Variants in APPBP2 observed in about 807,000 individuals in gnomAD.
APPBP2 encodes amyloid beta precursor protein binding protein 2, also known as amyloid protein-binding protein 2.
Under a neutral mutation model 76.0 loss-of-function variants are expected in APPBP2, and 15 were observed. The ratio of observed to expected loss-of-function variants is 0.20; its 90% CI spans 0.13 to 0.30. The LOEUF (loss-of-function observed/expected upper bound fraction) is 0.30. Ranked by LOEUF, APPBP2 falls within the 10% of genes least tolerant of loss-of-function variation. The pLI is 1.00. For synonymous variants in APPBP2, 222 were observed against 242.2 expected (o/e 0.92, Z 0.77); for missense variants, 401 against 687.2 (o/e 0.58, Z 4.66).
In APPBP2 at chr17:60,503,918, C is replaced by G. The variant is rs962128141; in HGVS notation, c.139-3431G>C. On this transcript the variant is annotated intron_variant, in intron 1 of 12. Transcript: ENST00000083182. Reference sequence around the variant, plus strand: ...TACCCAGGCAGTCTGTCCCTACATCCATGTTCTTAACAACTTACCCTATAT... The same window carrying G: ...TACCCAGGCAGTCTGTCCCTACATCGATGTTCTTAACAACTTACCCTATAT... Among the ~76,000 whole-genome samples the G allele has an allele frequency of 1.1e-4, 16 of 152,056 alleles. 1 individual carries two copies. The highest frequency in any genetic ancestry group is 3.6e-4 in the African/African-American group (15 of 41,374).
Position 60,454,302 on chromosome 17 carries a change from C to T in APPBP2, c.1338G>A (p.Lys446=). The change falls in exon 11 of 13, where the codon AAG becomes AAA. Residue 446 remains lysine (K), a splice_region_variant and synonymous_variant. Transcript: ENST00000083182. ...AAATATAGTAAAAACATGTTTCTAC[C>T]TTAAATTTTCTCATTGACTGATAAA... ...GRLYQSMRKF[K]EAEEMHIKAI... 6.5e-7 allele frequency: 1 copy of T among 1,548,928 alleles called. No individual in the cohort carries two copies. The highest frequency in any genetic ancestry group is 1.2e-5 in the South Asian group (1 of 80,792).
rs546729007 is a variant in APPBP2, at chr17:60,524,201, T to C, written c.138+1593A>G. On this transcript the variant is annotated intron_variant, in intron 1 of 12. Transcript: ENST00000083182. The stretch of plus-strand genomic sequence containing the variant: ...TAGAAGTGAAAGTTACTAAAAGATA[T>C]TCAAGTATTTTGAACGAATTCAACT... Among the ~76,000 whole-genome samples, 5 of 152,348 alleles carry C rather than the reference T, an allele frequency of 3.3e-5. No homozygotes were observed. The South Asian group carries it at 1.0e-3, about 32-fold the overall frequency.
intron 1 of APPBP2, among the ~76,000 whole-genome samples, chr17:60,519,274 T>C (rs893027436): frequency 6.6e-5 from 10 of 152,206 alleles, no homozygotes; most frequent in South Asian, 6.2e-4. Flanking sequence ...CTTATTTTTA[T>C]AGTGTTTGAC....
intron 9 of APPBP2, among the ~76,000 whole-genome samples, chr17:60,457,341 A>T (rs1390377856): frequency 6.6e-6 from 1 of 151,976 alleles, no homozygotes; most frequent in African/African-American, 2.4e-5. Context: ...GTTTTCTCAA[A>T]TCTGTCTTCC....
chr17:60,459,285 C>G (rs2090457000), intron 9 of APPBP2, among the ~76,000 whole-genome samples: 1 of 152,120 alleles, frequency 6.6e-6, no homozygotes, highest in Non-Finnish European at 1.5e-5. Flanking sequence ...GGAGAACCAG[C>G]ACCCCCAAAG....
chr17:60,523,512 A>AT (rs1213427342), intron 1 of APPBP2, among the ~76,000 whole-genome samples: 1 of 152,040 alleles, frequency 6.6e-6, no homozygotes, highest in Non-Finnish European at 1.5e-5. Flanking sequence ...AAAGTTTCTT[A>AT]TATGTATATG....
chr17:60,468,289 A>G (rs2090526363), intron 4 of APPBP2: 1 of 151,928 alleles, frequency 6.6e-6, no homozygotes, highest in Non-Finnish European at 1.5e-5. Context: ...CAACCAAGGC[A>G]GAAGATACTG....
At chr17:60,482,493 C>G (rs2090637950) in intron 3 of APPBP2, among the ~76,000 whole-genome samples, 1 of 152,104 alleles carries the variant, frequency 6.6e-6, no homozygotes, top group Non-Finnish European at 1.5e-5. Context: ...TACATGTGCA[C>G]AACGTGCAGG....
chr17:60,460,001 A>AT (rs2090465232), intron 9 of APPBP2: 1 of 152,202 alleles, frequency 6.6e-6, no homozygotes, highest in Non-Finnish European at 1.5e-5. Context: ...AAGCTCAGTT[A>AT]TATATTTAAA....
At chr17:60,496,567 C>T (rs2090777062) in intron 2 of APPBP2, 1 of 152,066 alleles carries the variant, frequency 6.6e-6, no homozygotes, top group Non-Finnish European at 1.5e-5. Flanking sequence ...AAAAGTTTTT[C>T]TAGTCTTCTT....
intron 4 of APPBP2, among the ~76,000 whole-genome samples, chr17:60,472,638 G>C (rs915956457): frequency 1.3e-5 from 2 of 152,186 alleles, no homozygotes; most frequent in Non-Finnish European, 2.9e-5. Flanking sequence ...CGTGGAATCT[G>C]CACCTGACAC....
intron 1 of APPBP2, among the ~76,000 whole-genome samples, chr17:60,524,581 T>C (rs559463117): frequency 2.4e-5 from 3 of 125,226 alleles, no homozygotes; most frequent in African/African-American, 8.9e-5. Flanking sequence ...CTGGATTTAG[T>C]AGAACGCAGC....
chr17:60,482,649 T>C (rs1032907151), intron 3 of APPBP2, among the ~76,000 whole-genome samples: 16 of 152,168 alleles, frequency 1.1e-4, no homozygotes, highest in Non-Finnish European at 1.5e-4. Context: ...GTGTTCTCAT[T>C]GTTCAATTCC....
intron 1 of APPBP2, among the ~76,000 whole-genome samples, chr17:60,515,112 A>AT (rs746696162): frequency 0.084 from 8,889 of 106,240 alleles, 1,255 homozygotes; most frequent in African/African-American, 0.28. Context: ...CCTATTTTAA[A>AT]TTTTTTTTTT....
intron 8 of APPBP2, 30 bp from the exon 9 acceptor site, chr17:60,460,817 A>G: frequency 6.2e-7 from 1 of 1,602,128 alleles, no homozygotes; most frequent in Non-Finnish European, 8.5e-7. Context: ...ATTTGTCAAT[A>G]CTGTAGAAAA....
chr17:60,505,076 C>T (rs1236697572), intron 1 of APPBP2, among the ~76,000 whole-genome samples: 5 of 152,104 alleles, frequency 3.3e-5, no homozygotes. Flanking sequence ...TATATGCATC[C>T]ATATAAAAAT....
rs566528220 is a variant in APPBP2 at position 60,487,839 on chromosome 17, G to A, written c.379+6627C>T. Among the ~76,000 whole-genome samples the A allele has an allele frequency of 1.1e-4, 17 of 152,334 alleles. No homozygotes were observed. The South Asian group carries it at 3.5e-3, about 32-fold the overall frequency. ...TCTCCCCATCTTTGTGGTTTTATCT[G>A]CCTTTGGTCTTTGATGATGGTGACC... On this transcript the variant is annotated intron_variant, in intron 3 of 12. Transcript: ENST00000083182.
intron 3 of APPBP2, among the ~76,000 whole-genome samples, chr17:60,492,394 T>C (rs1598363328): frequency 1.3e-5 from 2 of 152,264 alleles, no homozygotes; most frequent in South Asian, 2.1e-4. Flanking sequence ...GACCACAGAA[T>C]GGCAGATCCA....
chr17:60,485,665 A>AT (rs918544209), intron 3 of APPBP2, among the ~76,000 whole-genome samples: 1 of 151,928 alleles, frequency 6.6e-6, no homozygotes, highest in African/African-American at 2.4e-5. Flanking sequence ...GGATTCACTG[A>AT]TTTTTTTGAA....
Sources: gnomAD v4.1 joint callset for allele counts (sites outside exome capture counted in the v4.1 genomes callset) on GRCh38, gnomAD v4.1.1 for gene constraint, MANE v1.5 for transcripts, NCBI Gene and HGNC (gene_info 2026-07-23, HGNC 2026-07-21) for gene names.